The following MYZAP variants were observed in gnomAD, a reference collection of about 807,000 sequenced individuals.
MYZAP encodes the protein GRINL1A complex locus upstream.
In MYZAP, 66 loss-of-function variants were observed where a neutral mutation model predicts 69.4. The observed-to-expected ratio is 0.95, with a 90% CI of 0.78 to 1.17. The LOEUF is 1.17. Ranked by LOEUF, MYZAP falls within the 50% of genes most tolerant of loss-of-function variation. The pLI, the probability that MYZAP is intolerant of heterozygous loss-of-function variation, is 0.00. For missense variants in MYZAP, 611 were observed against 556.2 expected, an observed-to-expected ratio of 1.10 and a Z score of -0.99; for synonymous variants, 256 against 205.9, an observed-to-expected ratio of 1.24 and a Z score of -2.09.
rs542979345 is a variant in MYZAP, at chr15:57,625,696, C to T, written c.412-83C>T. The T allele has an allele frequency of 1.8e-5, 23 of 1,285,470 alleles. No individual in the cohort carries two copies. In the South Asian group the frequency reaches 2.4e-4, roughly 14 times the overall value. 79.6% of individuals were successfully genotyped at this position (1,285,470 alleles called of 1,614,324 possible). A position where few individuals can be genotyped will look rare whatever the true frequency, so the allele number is the denominator to read the frequency against. ...TTGTTGAAGTAGATGTGGCTTCTAA[C>T]AGAAGAAAGTTCCAGCCTAACTGAA... On this transcript the variant is annotated intron_variant, in intron 4 of 12. Coordinates refer to ENST00000267853, the MANE Select transcript of MYZAP (RefSeq NM_001018100.5).
intron 5 of MYZAP, among the ~76,000 whole-genome samples, chr15:57,626,351 A>G (rs2036133647): frequency 1.3e-5 from 2 of 152,244 alleles, no homozygotes; most frequent in Admixed American, 6.5e-5. Context: ...ATTATTTTGT[A>G]TCAGAAAGAA....
intron 10 of MYZAP, among the ~76,000 whole-genome samples, chr15:57,644,106 C>T (rs1214823792): frequency 2.0e-5 from 3 of 152,168 alleles, no homozygotes; most frequent in African/African-American, 4.8e-5. Context: ...GGTTTTGTTT[C>T]GTTTTAAAAA....
At chr15:57,680,884 C>T (rs984067130) in intron 12 of MYZAP, 2 of 152,186 alleles carry the variant, frequency 1.3e-5, no homozygotes, top group African/African-American at 4.8e-5. Flanking sequence ...GCTGATTCTG[C>T]TATTGTTTTC....
intron 10 of MYZAP, among the ~76,000 whole-genome samples, chr15:57,651,082 G>A (rs2037701354): frequency 6.6e-6 from 1 of 152,212 alleles, no homozygotes; most frequent in Admixed American, 6.5e-5. Flanking sequence ...TGGGTGAATA[G>A]GAGGGGAGAG....
intron 12 of MYZAP, among the ~76,000 whole-genome samples, chr15:57,678,578 G>A (rs187293805): frequency 0.01 from 1,559 of 152,140 alleles, 12 homozygotes; most frequent in Non-Finnish European, 0.017. Context: ...TTATGAAATG[G>A]ATTGATAGCC....
chr15:57,679,206 T>C (rs2039300060), intron 12 of MYZAP, among the ~76,000 whole-genome samples: 2 of 152,132 alleles, frequency 1.3e-5, no homozygotes, highest in African/African-American at 4.8e-5. Context: ...TGATGCTCAA[T>C]AAACATTTGT....
rs145151149 is a variant in MYZAP, at chr15:57,617,286, C to A, written c.163-747C>A. On this transcript the variant is annotated intron_variant, in intron 2 of 12. Coordinates refer to ENST00000267853, the MANE Select transcript of MYZAP (RefSeq NM_001018100.5). ...TAAATGTGATTAGGAATATTTCTAG[C>A]CTATAGTAGGTTTTCAACAAATCTT... is the stretch of plus-strand genomic sequence containing the variant. Among the ~76,000 whole-genome samples, 7 of 152,262 alleles carry A rather than the reference C, an allele frequency of 4.6e-5. No homozygotes were observed. The East Asian group carries it at 1.4e-3, about 29-fold the overall frequency.
At chr15:57,634,130 G>A (rs544301602) in intron 8 of MYZAP, among the ~76,000 whole-genome samples, 1 of 152,076 alleles carries the variant, frequency 6.6e-6, no homozygotes, top group Admixed American at 6.6e-5. Context: ...TGACACGCTG[G>A]GGACTTGAGA....
At chr15:57,673,789 T>G (rs1379300022) in intron 11 of MYZAP, among the ~76,000 whole-genome samples, 1 of 152,170 alleles carries the variant, frequency 6.6e-6, no homozygotes, top group African/African-American at 2.4e-5. Context: ...TCAAAACAAA[T>G]GAGCTTCTGT....
chr15:57,601,739 C>A (rs1450737027), intron 1 of MYZAP, among the ~76,000 whole-genome samples: 1 of 152,036 alleles, frequency 6.6e-6, no homozygotes, highest in Non-Finnish European at 1.5e-5. Context: ...ATCTTGAAAC[C>A]AAGTCATGTG....
At chr15:57,605,394 A>G (rs1403739552) in intron 2 of MYZAP, among the ~76,000 whole-genome samples, 1 of 152,226 alleles carries the variant, frequency 6.6e-6, no homozygotes, top group Non-Finnish European at 1.5e-5. Flanking sequence ...ATAAAATGAT[A>G]TAAATTTCAT....
At chr15:57,656,665 G>A (rs1255079434) in intron 10 of MYZAP, among the ~76,000 whole-genome samples, 1 of 152,128 alleles carries the variant, frequency 6.6e-6, no homozygotes, top group Non-Finnish European at 1.5e-5. Context: ...ACTAAGTTGG[G>A]ATTCAAGGTT....
At chr15:57,599,858 CT>C (rs1158786731) in intron 1 of MYZAP, among the ~76,000 whole-genome samples, 1 of 152,146 alleles carries the variant, frequency 6.6e-6, no homozygotes, top group East Asian at 1.9e-4. Context: ...TTCAGAGTAC[CT>C]TTTAGACCTT....
intron 10 of MYZAP, among the ~76,000 whole-genome samples, chr15:57,656,925 T>C (rs564219292): frequency 2.0e-5 from 3 of 152,304 alleles, no homozygotes; most frequent in Admixed American, 2.0e-4. Context: ...CCTACTCCTG[T>C]CCAGCTCCTT....
At chr15:57,592,149 C>G (rs1175877499) in intron 1 of MYZAP, 40 bp downstream of exon 1, 6 of 1,280,486 alleles carry the variant, frequency 4.7e-6, no homozygotes, top group Non-Finnish European at 5.9e-6. Flanking sequence ...TCCCGTTCCC[C>G]CATCCCGGCC....
chr15:57,628,483 G>A (rs1279782713), intron 5 of MYZAP, among the ~76,000 whole-genome samples: 1 of 151,930 alleles, frequency 6.6e-6, no homozygotes, highest in Non-Finnish European at 1.5e-5. Context: ...TGAACTCCAG[G>A]CTCAGGTGCT....
chr15:57,620,718 C>T (rs1179782617), intron 3 of MYZAP, among the ~76,000 whole-genome samples: 1 of 152,162 alleles, frequency 6.6e-6, no homozygotes, highest in African/African-American at 2.4e-5. Context: ...TTACTTCCTT[C>T]CATTCCAGAT....
intron 8 of MYZAP, among the ~76,000 whole-genome samples, chr15:57,634,037 A>G (rs535938912): frequency 7.0e-4 from 106 of 152,134 alleles, no homozygotes; most frequent in Non-Finnish European, 1.2e-3. Flanking sequence ...TATCCATTGA[A>G]TTATCAAGCC....
intron 1 of MYZAP, among the ~76,000 whole-genome samples, chr15:57,600,338 C>T (rs977645472): frequency 1.3e-5 from 2 of 152,250 alleles, no homozygotes; most frequent in Admixed American, 1.3e-4. Context: ...CAGGGTGCTG[C>T]AGTAGCCTCA....
Sources: allele counts gnomAD v4.1 joint callset (sites outside exome capture counted in the v4.1 genomes callset), GRCh38; gene constraint gnomAD v4.1.1; transcripts MANE v1.5; gene names NCBI Gene and HGNC (gene_info 2026-07-23, HGNC 2026-07-21).